Variants in LHFPL3 observed in about 807,000 individuals in gnomAD.
LHFPL3 encodes LHFPL tetraspan subfamily member 3 protein.
LHFPL3 carries 5 observed loss-of-function variants against 19.3 expected under a neutral mutation model. The ratio of observed to expected loss-of-function variants is 0.26; its 90% CI spans 0.14 to 0.54. The LOEUF is 0.54. Among genes scored for constraint, LHFPL3 ranks in the 20% least tolerant of loss-of-function variants. LHFPL3 has a pLI of 0.94. For synonymous variants in LHFPL3, 133 were observed against 126.2 expected (o/e 1.05, Z -0.36); for missense variants, 249 against 307.4 (o/e 0.81, Z 1.42).
chr7:104,564,963 G>A (rs952999044), intron 1 of LHFPL3, among the ~76,000 whole-genome samples: 6 of 152,166 alleles, frequency 3.9e-5, no homozygotes, highest in African/African-American at 9.6e-5. Flanking sequence ...CATCAGCAAC[G>A]ACTCTCCACT....
chr7:104,769,693 A>G (rs1320742822), intron 2 of LHFPL3, among the ~76,000 whole-genome samples: 1 of 150,068 alleles, frequency 6.7e-6, no homozygotes, highest in Admixed American at 6.7e-5. Context: ...CCCACTTATG[A>G]GTGAGAACAT....
intron 1 of LHFPL3, among the ~76,000 whole-genome samples, chr7:104,435,845 T>C (rs1792093607): frequency 1.3e-5 from 2 of 152,244 alleles, no homozygotes; most frequent in South Asian, 4.1e-4. Flanking sequence ...TGCTTTAATC[T>C]AGTAAGGCCA....
At chr7:104,475,543 T>A (rs532770756) in intron 1 of LHFPL3, among the ~76,000 whole-genome samples, 10 of 152,318 alleles carry the variant, frequency 6.6e-5, no homozygotes, top group African/African-American at 2.4e-4. Context: ...TGAATATACT[T>A]AACACTACTG....
chr7:104,502,236 A>C (rs1257185388), intron 1 of LHFPL3, among the ~76,000 whole-genome samples: 1 of 152,198 alleles, frequency 6.6e-6, no homozygotes, highest in Non-Finnish European at 1.5e-5. Context: ...GCAAAATGCA[A>C]CTTGCTTGCT....
intron 2 of LHFPL3, among the ~76,000 whole-genome samples, chr7:104,853,529 A>G (rs1791449259): frequency 6.6e-6 from 1 of 152,270 alleles, no homozygotes; most frequent in African/African-American, 2.4e-5. Context: ...TGTACAGATG[A>G]GTTAAATGCT....
rs1554394370 is a variant in LHFPL3 at position 104,440,039 on chromosome 7, G to GGA, written c.445+110816_445+110817insAG. Among the ~76,000 whole-genome samples, 159 of 88,286 alleles carry GGA rather than the reference G, an allele frequency of 1.8e-3. 1 individual carries two copies. Among genetic ancestry groups the GGA allele is most frequent in the African/African-American group, 9.9e-3 (148 of 14,914 alleles). The allele number at this position is 88,286 out of a possible 152,430, so 57.9% of individuals were successfully genotyped here. A position where few individuals can be genotyped will look rare whatever the true frequency, so the allele number is the denominator to read the frequency against. ...ATTACTATATAATACAAAGCCTGGGGGGGGGGAGGGATAGCATTAGGAGAT... is the reference window on the plus strand; with the variant it reads ...ATTACTATATAATACAAAGCCTGGGGGAGGGGGGAGGGATAGCATTAGGAGAT... On this transcript the variant is annotated intron_variant, in intron 1 of 2. Coordinates refer to ENST00000424859, the MANE Select transcript of LHFPL3 (RefSeq NM_199000.3).
intron 1 of LHFPL3, among the ~76,000 whole-genome samples, chr7:104,532,418 C>T (rs1484047693): frequency 2.1e-5 from 3 of 140,624 alleles, no homozygotes; most frequent in East Asian, 2.3e-4. Context: ...AACTTGGCTT[C>T]CCAAAGTGTT....
At chr7:104,818,398 A>C (rs1036746594) in intron 2 of LHFPL3, among the ~76,000 whole-genome samples, 2 of 151,936 alleles carry the variant, frequency 1.3e-5, no homozygotes, top group African/African-American at 4.8e-5. Flanking sequence ...AAAAAAAAAA[A>C]AAAAAACAGG....
chr7:104,450,951 G>A (rs1792425569), intron 1 of LHFPL3, among the ~76,000 whole-genome samples: 1 of 152,132 alleles, frequency 6.6e-6, no homozygotes, highest in Non-Finnish European at 1.5e-5. Flanking sequence ...ACAAAGCAGA[G>A]TGGAAATGAA....
At chr7:104,427,007 A>G (rs1791860227) in intron 1 of LHFPL3, among the ~76,000 whole-genome samples, 1 of 152,230 alleles carries the variant, frequency 6.6e-6, no homozygotes, top group Admixed American at 6.5e-5. Context: ...TTAATAAATA[A>G]CTAATAAATA....
intron 1 of LHFPL3, among the ~76,000 whole-genome samples, chr7:104,473,385 T>C (rs1020175514): frequency 2.0e-5 from 3 of 152,244 alleles, no homozygotes; most frequent in African/African-American, 4.8e-5. Context: ...GTATCTCTGA[T>C]AGAATGAACA....
intron 1 of LHFPL3, among the ~76,000 whole-genome samples, chr7:104,691,427 T>G (rs899130314): frequency 6.6e-6 from 1 of 152,228 alleles, no homozygotes; most frequent in African/African-American, 2.4e-5. Context: ...CTGCATGATA[T>G]GCAGGCACAA....
At chr7:104,479,688 G>A (rs1387280993) in intron 1 of LHFPL3, among the ~76,000 whole-genome samples, 2 of 152,210 alleles carry the variant, frequency 1.3e-5, no homozygotes, top group African/African-American at 4.8e-5. Flanking sequence ...CACTACGCCC[G>A]TCCTCTTCTT....
intron 1 of LHFPL3, among the ~76,000 whole-genome samples, chr7:104,448,499 A>G (rs182522138): frequency 2.0e-5 from 3 of 152,346 alleles, no homozygotes; most frequent in Non-Finnish European, 4.4e-5. Flanking sequence ...ATAGTGATTT[A>G]GCCATTTTCA....
chr7:104,752,778 A>T (rs1794200662), intron 2 of LHFPL3: 1 of 395,974 alleles, frequency 2.5e-6, no homozygotes, highest in Non-Finnish European at 4.5e-6. Context: ...ACCACGCTCG[A>T]GTGTACCTTC....
At chr7:104,384,625 A>T (rs1210814516) in intron 1 of LHFPL3, among the ~76,000 whole-genome samples, 2 of 150,454 alleles carry the variant, frequency 1.3e-5, no homozygotes, top group African/African-American at 4.9e-5. Flanking sequence ...CATCTCTATT[A>T]AAAAAAAACA....
chr7:104,412,538 G>A (rs1791552409), intron 1 of LHFPL3, among the ~76,000 whole-genome samples: 1 of 151,990 alleles, frequency 6.6e-6, no homozygotes, highest in Non-Finnish European at 1.5e-5. Context: ...TATCGAACTT[G>A]ACCAATAATT....
At chr7:104,750,479 A>G (rs1481672442) in intron 2 of LHFPL3, among the ~76,000 whole-genome samples, 4 of 152,240 alleles carry the variant, frequency 2.6e-5, no homozygotes, top group Admixed American at 6.5e-5. Context: ...GGAATTGAAG[A>G]GCTAATAACC....
chr7:104,667,960 C>G, intron 1 of LHFPL3: 1 of 1,613,404 alleles, frequency 6.2e-7, no homozygotes, highest in East Asian at 2.2e-5. Context: ...ATTGACCGTT[C>G]CATCCTTCCC....
Sources: allele counts gnomAD v4.1 joint callset (sites outside exome capture counted in the v4.1 genomes callset), GRCh38; gene constraint gnomAD v4.1.1; transcripts MANE v1.5; gene names NCBI Gene and HGNC (gene_info 2026-07-23, HGNC 2026-07-21).